The following SLC35F4 variants were observed in gnomAD, a reference collection of about 807,000 sequenced individuals.
SLC35F4 encodes the protein chromosome 14 open reading frame 36.
SLC35F4 carries 24 observed loss-of-function variants against 44.2 expected under a neutral mutation model. That is an observed-to-expected ratio of 0.54 (90% CI 0.39 to 0.76). SLC35F4 has a LOEUF of 0.76. SLC35F4 is among the 30% of genes least tolerant of loss of function. The probability of loss-of-function intolerance (pLI) is 0.00; values close to 1 mark genes in which losing one functional copy is unlikely to be tolerated. For missense variants in SLC35F4, 562 were observed against 586.1 expected (o/e 0.96, Z 0.42); for synonymous variants, 238 against 223.6 (o/e 1.06, Z -0.57).
chr14:57,954,301 T>C (rs1336131629), intron 1 of SLC35F4, among the ~76,000 whole-genome samples: 2 of 152,146 alleles, frequency 1.3e-5, no homozygotes, highest in Admixed American at 1.3e-4. Flanking sequence ...TTTATAGCAC[T>C]AAATGCCCAC....
chr14:57,663,237 G>C (rs916108075), intron 1 of SLC35F4, among the ~76,000 whole-genome samples: 2 of 152,178 alleles, frequency 1.3e-5, no homozygotes, highest in Non-Finnish European at 2.9e-5. Flanking sequence ...TAGTAACGAA[G>C]TTACATAACT....
At chr14:57,878,068 A>G (rs1467371893) in intron 1 of SLC35F4, among the ~76,000 whole-genome samples, 1 of 151,970 alleles carries the variant, frequency 6.6e-6, no homozygotes, top group Non-Finnish European at 1.5e-5. Context: ...TCTAATGATT[A>G]GTGATATTGA....
intron 1 of SLC35F4, among the ~76,000 whole-genome samples, chr14:57,773,687 T>G (rs1251691761): frequency 6.6e-6 from 1 of 152,134 alleles, no homozygotes; most frequent in Admixed American, 6.5e-5. Flanking sequence ...AACAATTGTT[T>G]AACATGACCT....
At chr14:57,842,411 A>G (rs756857418) in intron 1 of SLC35F4, among the ~76,000 whole-genome samples, 1 of 152,128 alleles carries the variant, frequency 6.6e-6, no homozygotes, top group Non-Finnish European at 1.5e-5. Flanking sequence ...AACCTTCTCC[A>G]TCCTACTCTG....
intron 1 of SLC35F4, among the ~76,000 whole-genome samples, chr14:57,937,273 G>C (rs754478262): frequency 1.3e-5 from 2 of 151,870 alleles, no homozygotes; most frequent in South Asian, 4.2e-4. Context: ...TCTCAATGTC[G>C]GTCAGGCTGG....
rs528873158 is a variant in SLC35F4, at chr14:57,871,206, A to G, written n.282+110707T>C. ...CAGAAGCAGCAGAGTCCCCAGCCCCAGAGGGATCACATGTGGGCTTGACTA... is the reference window on the plus strand; with the variant it reads ...CAGAAGCAGCAGAGTCCCCAGCCCCGGAGGGATCACATGTGGGCTTGACTA... On this transcript the variant is annotated intron_variant and non_coding_transcript_variant, in intron 1 of 1. Transcript: ENST00000556568. Among the ~76,000 whole-genome samples, 15 of 151,942 alleles carry G rather than the reference A, an allele frequency of 9.9e-5. No individual in the cohort carries two copies. In the South Asian group the frequency reaches 3.3e-3, roughly 34 times the overall value.
intron 1 of SLC35F4, among the ~76,000 whole-genome samples, chr14:57,814,541 T>C (rs1882349890): frequency 1.3e-5 from 2 of 152,244 alleles, no homozygotes; most frequent in African/African-American, 2.4e-5. Flanking sequence ...AAAGAACTCA[T>C]TCCTAACAGT....
chr14:57,680,458 C>G (rs543714692), intron 1 of SLC35F4, among the ~76,000 whole-genome samples: 7 of 151,962 alleles, frequency 4.6e-5, no homozygotes, highest in Non-Finnish European at 8.8e-5. Context: ...CTTTGAAAAC[C>G]GGCACAACAC....
intron 1 of SLC35F4, among the ~76,000 whole-genome samples, chr14:57,967,942 T>G (rs1044514777): frequency 1.4e-4 from 21 of 152,232 alleles, no homozygotes; most frequent in Admixed American, 9.2e-4. Context: ...AATAAATCTA[T>G]AATTATTTTG....
intron 1 of SLC35F4, among the ~76,000 whole-genome samples, chr14:57,793,361 C>T (rs2077975798): frequency 6.6e-6 from 1 of 151,588 alleles, no homozygotes; most frequent in East Asian, 1.9e-4. Context: ...GAATGTTGTA[C>T]CAAATAGGTA....
chr14:57,668,386 T>C (rs1213062867), intron 1 of SLC35F4, among the ~76,000 whole-genome samples: 2 of 151,992 alleles, frequency 1.3e-5, no homozygotes, highest in East Asian at 3.9e-4. Flanking sequence ...TTTGGTGTTT[T>C]AGACATGAAG....
intron 1 of SLC35F4, among the ~76,000 whole-genome samples, chr14:57,891,372 T>G (rs1470901031): frequency 6.6e-6 from 1 of 152,028 alleles, no homozygotes; most frequent in Non-Finnish European, 1.5e-5. Flanking sequence ...TTCACAAAAG[T>G]GAGGGCTCAG....
chr14:57,689,963 A>G (rs2075181638), intron 1 of SLC35F4, among the ~76,000 whole-genome samples: 1 of 152,182 alleles, frequency 6.6e-6, no homozygotes, highest in South Asian at 2.1e-4. Context: ...CTTTGCCTAA[A>G]CTAAATGAGT....
At chr14:57,761,211 T>G (rs931190478) in intron 1 of SLC35F4, among the ~76,000 whole-genome samples, 1 of 152,196 alleles carries the variant, frequency 6.6e-6, no homozygotes, top group Admixed American at 6.5e-5. Context: ...TTTTATCCAA[T>G]TTTTAATTGT....
intron 1 of SLC35F4, among the ~76,000 whole-genome samples, chr14:57,783,148 C>T (rs970678261): frequency 1.1e-4 from 17 of 151,772 alleles, no homozygotes; most frequent in African/African-American, 4.1e-4. Context: ...AAAAAGTATA[C>T]CTGTAGACTC....
chr14:57,947,768 G>A (rs1003878305), intron 1 of SLC35F4, among the ~76,000 whole-genome samples: 7 of 152,070 alleles, frequency 4.6e-5, no homozygotes, highest in African/African-American at 1.4e-4. Flanking sequence ...TGCTTTTCCT[G>A]CTTCTATTGA....
At chr14:57,784,478 G>A (rs1466258720) in intron 1 of SLC35F4, among the ~76,000 whole-genome samples, 1 of 152,076 alleles carries the variant, frequency 6.6e-6, no homozygotes, top group East Asian at 1.9e-4. Flanking sequence ...GAGGCTAATA[G>A]GTCAAGACCA....
At chr14:57,958,204 C>T (rs1336887502) in intron 1 of SLC35F4, among the ~76,000 whole-genome samples, 1 of 152,048 alleles carries the variant, frequency 6.6e-6, no homozygotes, top group East Asian at 1.9e-4. Context: ...ACTACAGGCG[C>T]CCGCCACCAC....
chr14:57,590,093 T>A (rs1244974295), intron 2 of SLC35F4, among the ~76,000 whole-genome samples: 3 of 150,552 alleles, frequency 2.0e-5, no homozygotes, highest in Admixed American at 6.6e-5. Flanking sequence ...TTTTTTTTTT[T>A]ACGTTATAGC....
Sources: allele counts gnomAD v4.1 joint callset (sites outside exome capture counted in the v4.1 genomes callset), GRCh38; gene constraint gnomAD v4.1.1; transcripts MANE v1.5; gene names NCBI Gene and HGNC (gene_info 2026-07-23, HGNC 2026-07-21).